Variants in FKBP1B observed in about 807,000 individuals in gnomAD.
FKBP1B encodes FKBP prolyl isomerase 1B, also known as peptidyl-prolyl cis-trans isomerase FKBP1B.
FKBP1B carries 4 observed loss-of-function variants against 13.5 expected under a neutral mutation model. That is an observed-to-expected ratio of 0.30 (90% CI 0.15 to 0.68). The LOEUF is 0.68. Among genes scored for constraint, FKBP1B ranks in the 30% least tolerant of loss-of-function variants. The pLI is 0.76. For missense variants in FKBP1B, 93 were observed against 136.2 expected (o/e 0.68, Z 1.58); for synonymous variants, 54 against 53.6 (o/e 1.01, Z -0.03).
At chr2:24,047,997 T>G (rs1558339480), upstream of FKBP1B, among the ~76,000 whole-genome samples, 1 of 152,096 alleles carries the variant, frequency 6.6e-6, no homozygotes, top group African/African-American at 2.4e-5. Context: ...CCTTCAGGGA[T>G]GCAGACAACC....
In FKBP1B at chr2:24,063,224, G is replaced by GGCT; in HGVS notation, c.*39_*41dup. ...GAAGGAACTCAAGGTGGCTGGAGAT[G>GGCT]GCTGCTGCTCACCCTCCTAGCCTGC... On this transcript the variant is annotated 3_prime_UTR_variant, in exon 4 of 4. Transcript: ENST00000380986. 6.4e-7 allele frequency: 1 copy of GGCT among 1,552,526 alleles called. No individual in the cohort carries two copies. Among genetic ancestry groups the GGCT allele is most frequent in the Non-Finnish European group, 8.7e-7 (1 of 1,151,110 alleles).
At chr2:24,057,819 A>T (rs893792144) in intron 2 of FKBP1B, among the ~76,000 whole-genome samples, 17 of 152,040 alleles carry the variant, frequency 1.1e-4, no homozygotes, top group African/African-American at 2.9e-4. Context: ...ACCTGGCCTG[A>T]ACAGAAGTTC....
chr2:24,063,095 G>A lies in FKBP1B; in HGVS notation c.230G>A (p.Cys77Tyr). ...MSLGQRAKLT[C>Y]TPDVAYGATG... is the part of the protein sequence containing the mutation. ...TTGGGGCAGAGGGCGAAGCTGACCT[G>A]CACCCCTGATGTGGCATATGGAGCC... is the stretch of plus-strand genomic sequence containing the variant. Residue 77 changes from cysteine to tyrosine, a missense_variant, in exon 4 of 4, where the codon TGC (cysteine) becomes TAC (tyrosine). Physicochemically the swap from Cys to Tyr is radical, Grantham distance 194. Transcript: ENST00000380986. The A allele has an allele frequency of 3.1e-6, 5 of 1,614,102 alleles. No homozygotes were observed. The highest frequency in any genetic ancestry group is 4.2e-6 in the Non-Finnish European group (5 of 1,179,980).
At chr2:24,044,239 G>C in the FKBP1B span, among the ~76,000 whole-genome samples, 5 of 150,766 alleles carry the variant, frequency 3.3e-5, no homozygotes, top group African/African-American at 1.2e-4. Flanking sequence ...TTGGGAATAA[G>C]AGAAAAACAA....
chr2:24,036,992 A>C, the FKBP1B span, among the ~76,000 whole-genome samples: 26,596 of 152,294 alleles, frequency 0.17, 3,306 homozygotes, highest in African/African-American at 0.35. Flanking sequence ...ACATGCATGC[A>C]TAAAGAAATG....
rs527475070 is a variant in FKBP1B, at chr2:24,058,159, C to T, written c.86-2655C>T. On this transcript the variant is annotated intron_variant, in intron 2 of 3. Coordinates refer to ENST00000380986, the MANE Select transcript of FKBP1B (RefSeq NM_004116.5). ...AGGTTGCAGTGAGCTGAGATTGAGC[C>T]GCTGCACTCCAGCCTGGGTGACAGA... is the stretch of plus-strand genomic sequence containing the variant. Among the ~76,000 whole-genome samples, 22 of 151,108 alleles carry T rather than the reference C, an allele frequency of 1.5e-4. No homozygotes were observed. The South Asian group carries it at 4.4e-3, about 30-fold the overall frequency.
chr2:24,035,960 T>C, the FKBP1B span, among the ~76,000 whole-genome samples: 3 of 151,386 alleles, frequency 2.0e-5, no homozygotes, highest in African/African-American at 7.3e-5. Context: ...TCCCAGCTAC[T>C]TGGGAGGCTG....
chr2:24,039,729 GA>G, the FKBP1B span, among the ~76,000 whole-genome samples: 18 of 152,136 alleles, frequency 1.2e-4, no homozygotes, highest in Admixed American at 1.2e-3. Context: ...TCTACCTAAT[GA>G]AGATTTTTAG....
the FKBP1B span, among the ~76,000 whole-genome samples, chr2:24,036,797 T>C: frequency 6.6e-6 from 1 of 152,190 alleles, no homozygotes; most frequent in Admixed American, 6.5e-5. Context: ...CACATACCTA[T>C]ATATCTATGT....
In FKBP1B at chr2:24,063,301, C is replaced by T. The variant is rs546239005; in HGVS notation, c.*109C>T. ...TGGGGCTCTTGATCAGTGTGCTAAC[C>T]TCACTGCCTCATGGCATCATCCATT... On this transcript the variant is annotated 3_prime_UTR_variant, in exon 4 of 4. Coordinates refer to ENST00000380986, the MANE Select transcript of FKBP1B (RefSeq NM_004116.5). 2 of 1,025,772 alleles carry T rather than the reference C, an allele frequency of 1.9e-6. No homozygotes were observed. The highest frequency in any genetic ancestry group is 3.5e-5 in the South Asian group (2 of 56,484). The allele number at this position is 1,025,772 out of a possible 1,614,324, so 63.5% of individuals were successfully genotyped here.
At chr2:24,043,491 TAAAAC>T in the FKBP1B span, among the ~76,000 whole-genome samples, 17 of 151,136 alleles carry the variant, frequency 1.1e-4, no homozygotes, top group Admixed American at 2.6e-4. Context: ...TGTCTCTACT[TAAAAC>T]AAAACAAAAC....
the FKBP1B span, chr2:24,037,857 C>A: frequency 1.9e-6 from 3 of 1,614,122 alleles, no homozygotes; most frequent in East Asian, 6.7e-5. Context: ...TTTGTAAGTT[C>A]TTTCTTTGAG....
chr2:24,037,763 G>A, the FKBP1B span: 3 of 1,614,234 alleles, frequency 1.9e-6, no homozygotes, highest in Non-Finnish European at 2.5e-6. Context: ...CGGTTTGTAA[G>A]TTCAGAAAGA....
chr2:24,048,012 C>T (rs192279937), upstream of FKBP1B, among the ~76,000 whole-genome samples: 24 of 152,282 alleles, frequency 1.6e-4, no homozygotes, highest in East Asian at 4.4e-3. Flanking sequence ...ACAACCTCAT[C>T]TGGGACCTAA....
chr2:24,063,479 T>TTAATGATA lies in FKBP1B; in HGVS notation c.*287_*288insTAATGATA. On this transcript the variant is annotated 3_prime_UTR_variant, in exon 4 of 4. Transcript: ENST00000380986. ...TGATGACAGAACACAGATCTCTTGT[T>TTAATGATA]CGCACAATCTACACTGCCTTACCTT... 8.0e-4 allele frequency: 264 copies of TTAATGATA among 328,064 alleles called. No homozygotes were observed. The highest frequency in any genetic ancestry group is 4.9e-3 in the South Asian group (47 of 9,578). 20.3% of individuals were successfully genotyped at this position (328,064 alleles called of 1,614,324 possible). A position where few individuals can be genotyped will look rare whatever the true frequency, so the allele number is the denominator to read the frequency against.
the FKBP1B span, among the ~76,000 whole-genome samples, chr2:24,041,745 C>T: frequency 4.0e-5 from 6 of 150,670 alleles, no homozygotes; most frequent in Non-Finnish European, 8.9e-5. Flanking sequence ...CCCAGCTACT[C>T]GGGAGGCTGA....
At chr2:24,042,577 C>T in the FKBP1B span, among the ~76,000 whole-genome samples, 2 of 146,526 alleles carry the variant, frequency 1.4e-5, no homozygotes, top group Non-Finnish European at 3.0e-5. Flanking sequence ...GCTGTGGTGG[C>T]GCATGCCTGT....
chr2:24,060,684 G>A, intron 2 of FKBP1B, 130 bp from the exon 3 acceptor site: 1 of 662,642 alleles, frequency 1.5e-6, no homozygotes, highest in Non-Finnish European at 2.7e-6. Context: ...TTGGGCAACA[G>A]GATGGATGGG....
chr2:24,047,480 A>C (rs115893694), upstream of FKBP1B: 2,868 of 152,090 alleles, frequency 0.019, 39 homozygotes, highest in Non-Finnish European at 0.03. Context: ...CTCTGATAGG[A>C]TAGGCACGCT....
Sources: allele counts gnomAD v4.1 joint callset (sites outside exome capture counted in the v4.1 genomes callset), GRCh38; gene constraint gnomAD v4.1.1; transcripts MANE v1.5; gene names NCBI Gene and HGNC (gene_info 2026-07-23, HGNC 2026-07-21).